The following SORCS2 variants were observed in gnomAD, a reference collection of about 807,000 sequenced individuals.
SORCS2 encodes sortilin related VPS10 domain containing receptor 2.
A neutral mutation model predicts 141.6 loss-of-function variants in SORCS2; 100 were observed. That is an observed-to-expected ratio of 0.71 (90% CI 0.60 to 0.83). The LOEUF is 0.83. Among genes scored for constraint, SORCS2 ranks in the 40% least tolerant of loss-of-function variants. SORCS2 has a pLI of 0.00. For missense variants in SORCS2, 1,646 were observed against 1,560.2 expected (o/e 1.05, Z -0.93); for synonymous variants, 789 against 676.9 (o/e 1.17, Z -2.57).
chr4:7,339,887 G>C (rs1720262756), intron 1 of SORCS2, among the ~76,000 whole-genome samples: 1 of 152,202 alleles, frequency 6.6e-6, no homozygotes, highest in Admixed American at 6.5e-5. Flanking sequence ...AAGGGAGAAG[G>C]CCCCAACCCA....
At chr4:7,568,790 T>C (rs746368704) in intron 3 of SORCS2, among the ~76,000 whole-genome samples, 3 of 152,204 alleles carry the variant, frequency 2.0e-5, no homozygotes, top group Non-Finnish European at 4.4e-5. Context: ...TAGAAGTCTA[T>C]TGCAATTACA....
At chr4:7,319,224 T>G (rs1052707183) in intron 1 of SORCS2, among the ~76,000 whole-genome samples, 1 of 152,170 alleles carries the variant, frequency 6.6e-6, no homozygotes, top group African/African-American at 2.4e-5. Flanking sequence ...TGTTGGACAT[T>G]GTGTATAGAA....
chr4:7,465,958 G>A (rs1729593241), intron 2 of SORCS2, among the ~76,000 whole-genome samples: 1 of 152,086 alleles, frequency 6.6e-6, no homozygotes, highest in Admixed American at 6.5e-5. Flanking sequence ...CAGAAGGCCT[G>A]GGGCAGGGGC....
chr4:7,374,557 C>T (rs1036414159), intron 1 of SORCS2, among the ~76,000 whole-genome samples: 18 of 152,192 alleles, frequency 1.2e-4, no homozygotes, highest in Admixed American at 8.5e-4. Context: ...CACTTCTACT[C>T]GATTCACACC....
intron 1 of SORCS2, among the ~76,000 whole-genome samples, chr4:7,383,515 G>C (rs183177481): frequency 1.3e-5 from 2 of 152,224 alleles, no homozygotes; most frequent in Admixed American, 6.5e-5. Context: ...CCAGCAGGGA[G>C]GGGGAGAGCA....
At position 7,723,781 on chromosome 4, in the gene SORCS2, C is replaced by T. The variant is rs1726767343; in HGVS notation, c.2509C>T (p.Pro837Ser). 7 of 1,613,928 alleles carry T rather than the reference C, an allele frequency of 4.3e-6. No individual in the cohort carries two copies. The highest frequency in any genetic ancestry group is 5.9e-6 in the Non-Finnish European group (7 of 1,179,904). ...CGTGAACCTTACACTGACCGGGGAG[C>T]CCATCCGGCACCGCTACGAGAGCCC... ...MYVNLTLTGE[P>S]IRHRYESPGI... The change falls in exon 19 of 27, where the codon CCC becomes TCC. Residue 837 changes from proline to serine, a missense_variant. Pro to Ser is a moderately conservative substitution (Grantham distance 74). Transcript: ENST00000507866.
chr4:7,401,868 G>C (rs984554735), intron 2 of SORCS2, among the ~76,000 whole-genome samples: 2 of 152,110 alleles, frequency 1.3e-5, no homozygotes, highest in Non-Finnish European at 2.9e-5. Flanking sequence ...TTTTTGTTAG[G>C]GATAGGAAGT....
intron 2 of SORCS2, among the ~76,000 whole-genome samples, chr4:7,449,480 C>G (rs1204552599): frequency 7.1e-6 from 1 of 140,398 alleles, no homozygotes; most frequent in Non-Finnish European, 1.5e-5. Context: ...TGAATTTGGG[C>G]AAGTTACCAC....
chr4:7,440,933 A>C (rs1468242509), intron 2 of SORCS2, among the ~76,000 whole-genome samples: 2 of 152,128 alleles, frequency 1.3e-5, no homozygotes, highest in African/African-American at 4.8e-5. Context: ...TTTGCGGTGG[A>C]GAGACAGACC....
intron 1 of SORCS2, among the ~76,000 whole-genome samples, chr4:7,331,388 C>T (rs1166292976): frequency 2.0e-5 from 3 of 152,022 alleles, no homozygotes; most frequent in African/African-American, 7.3e-5. Flanking sequence ...GGTGGGTGAT[C>T]GACCCTTGCT....
chr4:7,331,094 G>A (rs1404113751), intron 1 of SORCS2, among the ~76,000 whole-genome samples: 3 of 145,720 alleles, frequency 2.1e-5, no homozygotes, highest in African/African-American at 5.0e-5. Flanking sequence ...GGGCCAGGGA[G>A]GGCTAGGGGC....
In SORCS2 at chr4:7,733,404, T is replaced by G. The variant is rs759848674; in HGVS notation, c.3191T>G (p.Leu1064Arg). 6.3e-7 allele frequency: 1 copy of G among 1,590,986 alleles called. No individual in the cohort carries two copies. Among genetic ancestry groups the G allele is most frequent in the East Asian group, 2.3e-5 (1 of 43,972 alleles). The change falls in exon 24 of 27, where the codon CTG becomes CGG. Residue 1064 changes from leucine to arginine, a missense_variant. Physicochemically the swap from Leu to Arg is moderately radical, Grantham distance 102. Coordinates refer to ENST00000507866, the MANE Select transcript of SORCS2 (RefSeq NM_020777.3). ...GGCGGAGTCCGGGTCCTGGTGGCCC[T>G]GCGGGACACAGGCACAGGTGAGCCA... ...LRGGVRVLVA[L>R]RDTGTGAEQL...
intron 2 of SORCS2, among the ~76,000 whole-genome samples, chr4:7,459,569 T>A (rs1487713145): frequency 6.6e-6 from 1 of 152,170 alleles, no homozygotes; most frequent in Non-Finnish European, 1.5e-5. Context: ...GATGCCACGA[T>A]GCCTGGCCCC....
chr4:7,522,720 CG>C (rs1436716527), intron 2 of SORCS2, among the ~76,000 whole-genome samples: 1 of 103,776 alleles, frequency 9.6e-6, no homozygotes, highest in African/African-American at 3.2e-5. Context: ...CCCCTTCTCC[CG>C]TTTTCCCTCC....
intron 1 of SORCS2, among the ~76,000 whole-genome samples, chr4:7,202,434 C>T (rs1727530093): frequency 2.6e-5 from 4 of 152,202 alleles, no homozygotes; most frequent in Admixed American, 6.5e-5. Context: ...ATTTCTATAG[C>T]AGTCAGTTAC....
Position 7,663,492 on chromosome 4 carries a change from G to A in SORCS2, c.953-861G>A, listed in dbSNP as rs932337123. ...CACCAGTCAGTTTCAAGGGAACATG[G>A]ATGTGGCTCAGGAGGGCTTGGCAGT... On this transcript the variant is annotated intron_variant, in intron 6 of 26. Coordinates refer to ENST00000507866, the MANE Select transcript of SORCS2 (RefSeq NM_020777.3). The surrounding 1 kb of genome is among the most constrained non-coding windows in gnomAD (Gnocchi z 4.8). Among the ~76,000 whole-genome samples, 7 of 152,254 alleles carry A rather than the reference G, an allele frequency of 4.6e-5. No homozygotes were observed. The highest frequency in any genetic ancestry group is 1.4e-4 in the African/African-American group (6 of 41,464).
intron 2 of SORCS2, among the ~76,000 whole-genome samples, chr4:7,489,955 G>C (rs1273272789): frequency 2.6e-5 from 4 of 152,180 alleles, no homozygotes; most frequent in East Asian, 1.9e-4. Context: ...TGCCAGGCTG[G>C]GTTCTCCTTC....
At chr4:7,506,736 C>T (rs1732299275) in intron 2 of SORCS2, among the ~76,000 whole-genome samples, 1 of 152,106 alleles carries the variant, frequency 6.6e-6, no homozygotes, top group Admixed American at 6.6e-5. Flanking sequence ...GACTAGTAGC[C>T]CAATAAACGT....
chr4:7,285,537 G>A (rs937825682), intron 1 of SORCS2, among the ~76,000 whole-genome samples: 4 of 152,188 alleles, frequency 2.6e-5, no homozygotes, highest in African/African-American at 7.2e-5. Context: ...TTAATTTTCC[G>A]GTGTTCCTCC....
Sources: gnomAD v4.1 joint callset for allele counts (sites outside exome capture counted in the v4.1 genomes callset) on GRCh38, gnomAD v4.1.1 for gene constraint, Gnocchi (gnomAD v3.1) non-coding constraint, MANE v1.5 for transcripts, NCBI Gene and HGNC (gene_info 2026-07-23, HGNC 2026-07-21) for gene names.